HHAT: variants seen among roughly 807,000 people sequenced by gnomAD.
HHAT encodes hedgehog acyltransferase, also known as protein-cysteine N-palmitoyltransferase HHAT.
HHAT carries 47 observed loss-of-function variants against 70.8 expected under a neutral mutation model. The ratio of observed to expected loss-of-function variants is 0.66; its 90% confidence interval spans 0.53 to 0.85. The LOEUF (loss-of-function observed/expected upper bound fraction) is 0.85. Ranked by LOEUF, HHAT falls within the 40% of genes least tolerant of loss-of-function variation. The probability of loss-of-function intolerance (pLI) is 0.00; values close to 1 mark genes in which losing one functional copy is unlikely to be tolerated. For synonymous variants in HHAT, 228 were observed against 247.6 expected (o/e 0.92, Z 0.74); for missense variants, 609 against 604.8 (o/e 1.01, Z -0.07).
At chr1:210,403,674 A>G (rs1229381206) in intron 5 of HHAT, among the ~76,000 whole-genome samples, 1 of 152,130 alleles carries the variant, frequency 6.6e-6, no homozygotes, top group East Asian at 1.9e-4. Flanking sequence ...CCCAAGTTCT[A>G]TTTCTCGTAT....
chr1:210,669,305 T>C (rs1465898463), intron 11 of HHAT, among the ~76,000 whole-genome samples: 1 of 152,236 alleles, frequency 6.6e-6, no homozygotes, highest in Non-Finnish European at 1.5e-5. Flanking sequence ...TTAACCAAGT[T>C]ATTACTTGGT....
chr1:210,429,275 T>C (rs1417995661), intron 7 of HHAT, among the ~76,000 whole-genome samples: 4 of 151,872 alleles, frequency 2.6e-5, no homozygotes, highest in African/African-American at 9.7e-5. Flanking sequence ...ACTTTTCTAA[T>C]ATCTAATATC....
At chr1:210,583,947 A>ATTTTTTTTTTTTTT (rs371722219) in intron 9 of HHAT, among the ~76,000 whole-genome samples, 2 of 88,992 alleles carry the variant, frequency 2.2e-5, no homozygotes, top group Non-Finnish European at 4.0e-5. Flanking sequence ...AGTGCAGCTA[A>ATTTTTTTTTTTTTT]TTTTTTTTTT....
At chr1:210,544,204 G>A (rs1217130393) in intron 9 of HHAT, among the ~76,000 whole-genome samples, 1 of 150,574 alleles carries the variant, frequency 6.6e-6, no homozygotes, top group African/African-American at 2.4e-5. Flanking sequence ...TCTAGGCATC[G>A]CCACTGGGAG....
intron 8 of HHAT, among the ~76,000 whole-genome samples, chr1:210,485,417 A>T (rs2094459517): frequency 6.6e-6 from 1 of 152,086 alleles, no homozygotes; most frequent in Non-Finnish European, 1.5e-5. Flanking sequence ...TTGCTTAAGA[A>T]CAGGACCCAT....
intron 10 of HHAT, among the ~76,000 whole-genome samples, chr1:210,621,901 C>T (rs1216245444): frequency 6.6e-6 from 1 of 152,174 alleles, no homozygotes; most frequent in African/African-American, 2.4e-5. Context: ...AGTAAAAGCA[C>T]GTTCCACAGT....
intron 9 of HHAT, among the ~76,000 whole-genome samples, chr1:210,576,034 G>C (rs1657656411): frequency 6.6e-6 from 1 of 152,120 alleles, no homozygotes; most frequent in Non-Finnish European, 1.5e-5. Context: ...GCCAGTGTTA[G>C]GTGTGTGGAG....
Position 210,410,545 on chromosome 1 carries a change from T to A in HHAT, c.684+5866T>A, listed in dbSNP as rs1276134108. On this transcript the variant is annotated intron_variant, in intron 6 of 11. Coordinates refer to ENST00000261458, the MANE Select transcript of HHAT (RefSeq NM_018194.6). ...TAAATTTTTTTTTTTTTTTTTTTTT[T>A]AAGATAGAGTCTCACTCTTCACCCA... 5.0e-3 allele frequency among the ~76,000 whole-genome samples: 640 copies of A among 128,268 alleles called. 6 individuals carry two copies. Among genetic ancestry groups the A allele is most frequent in the African/African-American group, 0.017 (599 of 34,808 alleles). 84.1% of individuals were successfully genotyped at this position (128,268 alleles called of 152,430 possible).
chr1:210,385,252 C>CTTTTTTTTTTT (rs55887436), intron 3 of HHAT, among the ~76,000 whole-genome samples: 1 of 138,882 alleles, frequency 7.2e-6, no homozygotes, highest in Non-Finnish European at 1.5e-5. Flanking sequence ...ATATGTTTTT[C>CTTTTTTTTTTT]TTTTTTTTTT....
intron 7 of HHAT, chr1:210,462,746 C>G (rs957315120): frequency 5.2e-5 from 8 of 153,890 alleles, no homozygotes; most frequent in East Asian, 1.9e-4. Flanking sequence ...TGCCATCACC[C>G]AAACTGTATA....
At chr1:210,348,575 T>C (rs2086722053) in intron 1 of HHAT, among the ~76,000 whole-genome samples, 1 of 152,176 alleles carries the variant, frequency 6.6e-6, no homozygotes, top group South Asian at 2.1e-4. Flanking sequence ...TCAGAGATCA[T>C]GGTCCCTGCT....
chr1:210,565,951 C>A (rs1362339494), intron 9 of HHAT, among the ~76,000 whole-genome samples: 1 of 152,198 alleles, frequency 6.6e-6, no homozygotes, highest in Non-Finnish European at 1.5e-5. Context: ...CCTTCTAGCT[C>A]TAGCGTCCTC....
At chr1:210,536,017 C>G (rs11119534) in intron 9 of HHAT, among the ~76,000 whole-genome samples, 2 of 152,098 alleles carry the variant, frequency 1.3e-5, no homozygotes, top group African/African-American at 2.4e-5. Flanking sequence ...ATATGCATAT[C>G]GAGTCCAGCT....
At chr1:210,625,853 A>C (rs1348022158) in intron 11 of HHAT, among the ~76,000 whole-genome samples, 1 of 152,208 alleles carries the variant, frequency 6.6e-6, no homozygotes, top group African/African-American at 2.4e-5. Context: ...AGACTGGTGC[A>C]CCAGGTGCTC....
intron 11 of HHAT, among the ~76,000 whole-genome samples, chr1:210,668,333 GT>G (rs1405291227): frequency 6.6e-6 from 1 of 152,084 alleles, no homozygotes; most frequent in Non-Finnish European, 1.5e-5. Flanking sequence ...GTTTGGCTGT[GT>G]CCCCACCCAA....
intron 9 of HHAT, among the ~76,000 whole-genome samples, chr1:210,559,986 C>G (rs1385052553): frequency 1.3e-5 from 2 of 152,104 alleles, no homozygotes; most frequent in Non-Finnish European, 2.9e-5. Flanking sequence ...CTTTCATCCA[C>G]TAATCGTAGA....
At chr1:210,381,256 A>T (rs1415835688) in intron 3 of HHAT, among the ~76,000 whole-genome samples, 1 of 151,918 alleles carries the variant, frequency 6.6e-6, no homozygotes, top group Non-Finnish European at 1.5e-5. Context: ...TTGAATGATT[A>T]TGCAGTGGGT....
At chr1:210,429,630 C>T (rs941895236) in intron 7 of HHAT, among the ~76,000 whole-genome samples, 2 of 151,432 alleles carry the variant, frequency 1.3e-5, no homozygotes, top group Admixed American at 6.6e-5. Context: ...TATAGAATGC[C>T]GTATGCTTCA....
At chr1:210,430,930 A>G (rs1009076905) in intron 7 of HHAT, among the ~76,000 whole-genome samples, 3 of 151,854 alleles carry the variant, frequency 2.0e-5, no homozygotes, top group Non-Finnish European at 4.4e-5. Flanking sequence ...ATGTTTTCAA[A>G]CATGATAAAC....
Sources: allele counts gnomAD v4.1 joint callset (sites outside exome capture counted in the v4.1 genomes callset), GRCh38; gene constraint gnomAD v4.1.1; transcripts MANE v1.5; gene names NCBI Gene and HGNC (gene_info 2026-07-23, HGNC 2026-07-21).